GPD2: variants seen among roughly 807,000 people sequenced by gnomAD.
The protein encoded by GPD2 is glycerol-3-phosphate dehydrogenase 2, also known as glycerol-3-phosphate dehydrogenase, mitochondrial.
Under a neutral mutation model 82.4 loss-of-function variants are expected in GPD2, and 54 were observed. That is an observed-to-expected ratio of 0.66 (90% CI 0.53 to 0.82). The LOEUF (loss-of-function observed/expected upper bound fraction) is 0.82. Among genes scored for constraint, GPD2 ranks in the 40% least tolerant of loss-of-function variants. The pLI is 0.00. For missense variants in GPD2, 748 were observed against 896.2 expected (o/e 0.83, Z 2.11); for synonymous variants, 288 against 306.1 (o/e 0.94, Z 0.62).
intron 8 of GPD2, among the ~76,000 whole-genome samples, chr2:156,552,621 G>A (rs111606257): frequency 3.3e-5 from 5 of 152,190 alleles, no homozygotes; most frequent in South Asian, 4.1e-4. Context: ...ATCCCATGAT[G>A]TCAGAAGACA....
At chr2:156,564,141 T>G (rs899797519) in intron 9 of GPD2, among the ~76,000 whole-genome samples, 1 of 152,092 alleles carries the variant, frequency 6.6e-6, no homozygotes, top group African/African-American at 2.4e-5. Context: ...GAGAAATTCA[T>G]TATCTTGTAA....
At chr2:156,559,973 A>G (rs914427613) in intron 9 of GPD2, among the ~76,000 whole-genome samples, 7 of 152,176 alleles carry the variant, frequency 4.6e-5, no homozygotes, top group Non-Finnish European at 8.8e-5. Context: ...ATTTATCTGT[A>G]TATAATATTT....
chr2:156,561,943 T>C (rs1029783090), intron 9 of GPD2, among the ~76,000 whole-genome samples: 2 of 152,250 alleles, frequency 1.3e-5, no homozygotes, highest in Non-Finnish European at 2.9e-5. Context: ...TAGAAAGCTT[T>C]CCATTCACAG....
intron 1 of GPD2, among the ~76,000 whole-genome samples, chr2:156,450,900 C>T (rs557820705): frequency 1.1e-3 from 147 of 131,016 alleles, no homozygotes; most frequent in Non-Finnish European, 1.8e-3. Flanking sequence ...ATCTGTTTAA[C>T]AAAGCACATC....
chr2:156,548,701 A>G (rs1444519160), intron 6 of GPD2, among the ~76,000 whole-genome samples: 2 of 152,188 alleles, frequency 1.3e-5, no homozygotes, highest in East Asian at 1.9e-4. Context: ...TTACAAATTC[A>G]TCCCTTTATC....
In GPD2 at chr2:156,585,788, A is replaced by T. The variant is rs752915538; in HGVS notation, c.*2870A>T. The T allele has an allele frequency of 6.6e-6, 1 of 152,530 alleles. No homozygotes were observed. Among genetic ancestry groups the T allele is most frequent in the Admixed American group, 6.6e-5 (1 of 15,256 alleles). 9.4% of individuals were successfully genotyped at this position (152,530 alleles called of 1,614,324 possible). A position where few individuals can be genotyped will look rare whatever the true frequency, so the allele number is the denominator to read the frequency against. ...TATGAATGTAATATTAAAGTCAATG[A>T]TGCTATAACTTGCGATGTTTGCATC... On this transcript the variant is annotated 3_prime_UTR_variant, in exon 17 of 17. Transcript: ENST00000438166.
At chr2:156,547,044 G>A (rs889423520) in intron 6 of GPD2, among the ~76,000 whole-genome samples, 17 of 152,274 alleles carry the variant, frequency 1.1e-4, no homozygotes, top group African/African-American at 3.9e-4. Context: ...CTCTTGAGAC[G>A]TGGGAATTGT....
Position 156,568,788 on chromosome 2 carries a change from A to G in GPD2, c.1166-37A>G, listed in dbSNP as rs200255596. On this transcript the variant is annotated intron_variant, in intron 9 of 16. Coordinates refer to ENST00000438166, the MANE Select transcript of GPD2 (RefSeq NM_000408.5). ...TAATATTTTTATCAAAATATTTTTGAGCAATGTTCATAACCCTTGGCATTG... is the reference window on the plus strand; with the variant it reads ...TAATATTTTTATCAAAATATTTTTGGGCAATGTTCATAACCCTTGGCATTG... 342 of 1,584,980 alleles carry G rather than the reference A, an allele frequency of 2.2e-4. No individual in the cohort carries two copies. The Admixed American group carries it at 5.1e-3, about 23-fold the overall frequency.
intron 6 of GPD2, among the ~76,000 whole-genome samples, chr2:156,542,550 A>G (rs1283102563): frequency 6.6e-6 from 1 of 152,216 alleles, no homozygotes; most frequent in Non-Finnish European, 1.5e-5. Flanking sequence ...AGCCCCTGAT[A>G]AATATACATA....
chr2:156,435,576 G>GCTTGGT (rs1330611147), upstream of GPD2: 1 of 152,274 alleles, frequency 6.6e-6, no homozygotes, highest in African/African-American at 2.4e-5. Context: ...TGGAGCTTGG[G>GCTTGGT]CTTGGTCTTC....
At chr2:156,444,720 T>TACACACACACACACAC (rs397789170) in intron 1 of GPD2, among the ~76,000 whole-genome samples, 10 of 150,198 alleles carry the variant, frequency 6.7e-5, no homozygotes, top group Middle Eastern at 3.4e-3. Flanking sequence ...CAAAAACAAA[T>TACACACACACACACAC]ACACACACAC....
chr2:156,571,387 C>T, intron 13 of GPD2, 95 bp downstream of exon 13: 1 of 680,044 alleles, frequency 1.5e-6, no homozygotes, highest in South Asian at 3.0e-5. Flanking sequence ...TGATGATAAC[C>T]TTAGATTTCT....
intron 6 of GPD2, among the ~76,000 whole-genome samples, chr2:156,544,657 T>G (rs1686459527): frequency 6.6e-6 from 1 of 152,130 alleles, no homozygotes; most frequent in Admixed American, 6.6e-5. Flanking sequence ...TGGGAAAAGG[T>G]TGAAGTGAGA....
intron 6 of GPD2, among the ~76,000 whole-genome samples, chr2:156,546,720 C>T (rs1686553553): frequency 6.6e-6 from 1 of 152,118 alleles, no homozygotes; most frequent in Admixed American, 6.5e-5. Context: ...TGGGATAAGT[C>T]CCGAGGGAAT....
At chr2:156,528,095 A>C (rs549582136) in intron 6 of GPD2, among the ~76,000 whole-genome samples, 6 of 152,218 alleles carry the variant, frequency 3.9e-5, no homozygotes, top group African/African-American at 1.4e-4. Flanking sequence ...TAAACTGACT[A>C]CTCTCATTCT....
At chr2:156,528,758 G>A (rs542096183) in intron 6 of GPD2, among the ~76,000 whole-genome samples, 31 of 152,092 alleles carry the variant, frequency 2.0e-4, no homozygotes, top group African/African-American at 7.5e-4. Flanking sequence ...TCCCTACAAA[G>A]GACGTGATCT....
At chr2:156,451,852 G>A (rs1682608945) in intron 1 of GPD2, among the ~76,000 whole-genome samples, 1 of 151,246 alleles carries the variant, frequency 6.6e-6, no homozygotes, top group East Asian at 2.0e-4. Flanking sequence ...TCTCAGATGG[G>A]CGGAGGGTCT....
intron 2 of GPD2, among the ~76,000 whole-genome samples, chr2:156,484,293 G>A (rs555154883): frequency 2.0e-5 from 3 of 151,792 alleles, no homozygotes; most frequent in East Asian, 2.0e-4. Flanking sequence ...CTGCCACCAC[G>A]GCCGGCTAAT....
chr2:156,512,392 C>G (rs992541375), intron 5 of GPD2, 75 bp downstream of exon 5: 1 of 789,800 alleles, frequency 1.3e-6, no homozygotes, highest in Admixed American at 1.7e-5. Context: ...TGGAAATAAT[C>G]CCTCAATGCA....
Sources: allele counts gnomAD v4.1 joint callset (sites outside exome capture counted in the v4.1 genomes callset), GRCh38; gene constraint gnomAD v4.1.1; transcripts MANE v1.5; gene names NCBI Gene and HGNC (gene_info 2026-07-23, HGNC 2026-07-21).